The following GALNTL6 variants were observed in gnomAD, a reference collection of about 807,000 sequenced individuals.
GALNTL6 encodes polypeptide N-acetylgalactosaminyltransferase-like 6.
In GALNTL6, 46 loss-of-function variants were observed where a neutral mutation model predicts 73.7. The observed-to-expected ratio is 0.62, with a 90% CI of 0.49 to 0.80. The LOEUF (loss-of-function observed/expected upper bound fraction) is 0.80, where lower values mean the gene tolerates loss of function less well. GALNTL6 is among the 30% of genes least tolerant of loss of function. The pLI, the probability that GALNTL6 is intolerant of heterozygous loss-of-function variation, is 0.00. For synonymous variants in GALNTL6, 259 were observed against 263.7 expected (o/e 0.98, Z 0.17); for missense variants, 604 against 755.0 (o/e 0.80, Z 2.34).
At chr4:172,828,814 T>C (rs1742426562) in intron 7 of GALNTL6, among the ~76,000 whole-genome samples, 1 of 152,184 alleles carries the variant, frequency 6.6e-6, no homozygotes, top group African/African-American at 2.4e-5. Flanking sequence ...AAATCCCTCA[T>C]GCTATAAAGC....
chr4:172,721,440 A>G (rs921918685), intron 5 of GALNTL6, among the ~76,000 whole-genome samples: 2 of 151,996 alleles, frequency 1.3e-5, no homozygotes, highest in Non-Finnish European at 2.9e-5. Flanking sequence ...TTAAAATTAG[A>G]GTTTCTTTAA....
intron 2 of GALNTL6, among the ~76,000 whole-genome samples, chr4:172,206,290 A>C (rs896261636): frequency 6.6e-6 from 1 of 152,182 alleles, no homozygotes; most frequent in Non-Finnish European, 1.5e-5. Context: ...AAAATTTTCC[A>C]AATTATGTGG....
intron 2 of GALNTL6, among the ~76,000 whole-genome samples, chr4:172,015,063 A>G (rs938178806): frequency 6.6e-6 from 1 of 152,074 alleles, no homozygotes; most frequent in Non-Finnish European, 1.5e-5. Context: ...ATATTTGTTA[A>G]GTCCATTTGT....
At chr4:172,084,068 C>T (rs72988327) in intron 2 of GALNTL6, among the ~76,000 whole-genome samples, 2,118 of 152,168 alleles carry the variant, frequency 0.014, 56 homozygotes, top group African/African-American at 0.048. Flanking sequence ...TCATAGGAAA[C>T]AAGAGGAAGT....
At chr4:171,930,600 C>T (rs1322222228) in intron 2 of GALNTL6, among the ~76,000 whole-genome samples, 2 of 151,922 alleles carry the variant, frequency 1.3e-5, no homozygotes, top group African/African-American at 4.8e-5. Context: ...CTTGGGAGGC[C>T]GAGGTGGGCA....
chr4:172,850,950 C>A (rs1353729632), intron 7 of GALNTL6, among the ~76,000 whole-genome samples: 2 of 152,120 alleles, frequency 1.3e-5, no homozygotes, highest in Non-Finnish European at 2.9e-5. Flanking sequence ...CTAAGCACCA[C>A]ATGTTCAGTG....
intron 3 of GALNTL6, among the ~76,000 whole-genome samples, chr4:172,309,348 A>ATTT (rs1309449518): frequency 1.3e-5 from 2 of 152,134 alleles, no homozygotes; most frequent in Admixed American, 1.3e-4. Flanking sequence ...GTAATACAAA[A>ATTT]TGAATAACAT....
chr4:172,434,842 A>G (rs938315536), intron 5 of GALNTL6, among the ~76,000 whole-genome samples: 1 of 151,918 alleles, frequency 6.6e-6, no homozygotes, highest in Non-Finnish European at 1.5e-5. Context: ...ATACTTTCTG[A>G]TCTCATTTCT....
intron 7 of GALNTL6, among the ~76,000 whole-genome samples, chr4:172,843,006 A>G (rs1743299322): frequency 6.6e-6 from 1 of 152,054 alleles, no homozygotes; most frequent in Non-Finnish European, 1.5e-5. Context: ...TGTCTCTATT[A>G]TGTGCTGCCT....
At chr4:171,908,256 G>C (rs538635298) in intron 2 of GALNTL6, among the ~76,000 whole-genome samples, 29 of 151,896 alleles carry the variant, frequency 1.9e-4, no homozygotes, top group Non-Finnish European at 3.4e-4. Flanking sequence ...TCTGACAAAG[G>C]GCTAATATCC....
chr4:172,025,186 A>G (rs970699680), intron 2 of GALNTL6, among the ~76,000 whole-genome samples: 2 of 151,966 alleles, frequency 1.3e-5, no homozygotes, highest in African/African-American at 4.8e-5. Flanking sequence ...AGAATATCTT[A>G]TTTTCCTCAA....
chr4:171,873,335 A>G (rs1486946695), intron 2 of GALNTL6, among the ~76,000 whole-genome samples: 4 of 152,208 alleles, frequency 2.6e-5, no homozygotes, highest in Non-Finnish European at 5.9e-5. Context: ...TGAATCTACT[A>G]TAAGTTCATT....
At chr4:172,969,241 C>G (rs747882989) in intron 10 of GALNTL6, among the ~76,000 whole-genome samples, 1 of 151,752 alleles carries the variant, frequency 6.6e-6, no homozygotes, top group Non-Finnish European at 1.5e-5. Flanking sequence ...CAATAAGAGA[C>G]CATGGAAGGC....
chr4:172,054,937 A>G, intron 2 of GALNTL6, among the ~76,000 whole-genome samples: 1 of 152,162 alleles, frequency 6.6e-6, no homozygotes, highest in East Asian at 1.9e-4. Flanking sequence ...TGAAGAGTAT[A>G]TGTAACAAAC....
chr4:172,295,541 T>G (rs1739642612), intron 3 of GALNTL6, among the ~76,000 whole-genome samples: 2 of 144,552 alleles, frequency 1.4e-5, no homozygotes, highest in African/African-American at 2.5e-5. Flanking sequence ...GTTTTTTTTT[T>G]TTTTTTTTTT....
intron 5 of GALNTL6, among the ~76,000 whole-genome samples, chr4:172,411,601 A>G (rs1406347003): frequency 6.6e-6 from 1 of 150,562 alleles, no homozygotes; most frequent in Admixed American, 6.7e-5. Flanking sequence ...TTTTCACCTC[A>G]CTGGACATGT....
intron 4 of GALNTL6, among the ~76,000 whole-genome samples, chr4:172,342,376 A>G (rs1435962439): frequency 6.6e-6 from 1 of 152,148 alleles, no homozygotes; most frequent in African/African-American, 2.4e-5. Context: ...TGCTCGTGTT[A>G]CCTCCTGTGT....
intron 5 of GALNTL6, among the ~76,000 whole-genome samples, chr4:172,374,405 T>A (rs1376886934): frequency 1.3e-5 from 2 of 152,214 alleles, no homozygotes; most frequent in African/African-American, 4.8e-5. Context: ...TCTCCTGATA[T>A]CTGCAGCTGA....
intron 5 of GALNTL6, among the ~76,000 whole-genome samples, chr4:172,664,223 T>G (rs1460501259): frequency 6.6e-6 from 1 of 152,196 alleles, no homozygotes; most frequent in Non-Finnish European, 1.5e-5. Flanking sequence ...GACTCCATCC[T>G]CTAAGATGTT....
Sources: gnomAD v4.1 joint callset for allele counts (sites outside exome capture counted in the v4.1 genomes callset) on GRCh38, gnomAD v4.1.1 for gene constraint, MANE v1.5 for transcripts, NCBI Gene and HGNC (gene_info 2026-07-23, HGNC 2026-07-21) for gene names.